The following IGF2BP3 variants were observed in gnomAD, a reference collection of about 807,000 sequenced individuals.
The protein encoded by IGF2BP3 is insulin-like growth factor 2 mRNA-binding protein 3.
Under a neutral mutation model 73.8 loss-of-function variants are expected in IGF2BP3, and 9 were observed. The observed-to-expected ratio is 0.12, with a 90% CI of 0.07 to 0.21. The LOEUF (loss-of-function observed/expected upper bound fraction) is 0.21, where lower values mean the gene tolerates loss of function less well. IGF2BP3 is among the 10% of genes least tolerant of loss of function. The pLI, the probability that IGF2BP3 is intolerant of heterozygous loss-of-function variation, is 1.00. For missense variants in IGF2BP3, 542 were observed against 714.0 expected (o/e 0.76, Z 2.75); for synonymous variants, 258 against 256.7 (o/e 1.01, Z -0.05).
At chr7:23,425,936 A>G (rs893214551) in intron 2 of IGF2BP3, among the ~76,000 whole-genome samples, 1 of 151,798 alleles carries the variant, frequency 6.6e-6, no homozygotes, top group African/African-American at 2.4e-5. Context: ...ACTGCACTCC[A>G]GCCTGGGCAA....
intron 2 of IGF2BP3, among the ~76,000 whole-genome samples, chr7:23,426,320 CAAA>C (rs1195063330): frequency 3.5e-4 from 16 of 46,122 alleles, no homozygotes; most frequent in South Asian, 1.0e-3. Flanking sequence ...AATTCTGTCT[CAAA>C]AAAAAAAAAA....
At chr7:23,447,264 G>A (rs1383226384) in intron 2 of IGF2BP3, among the ~76,000 whole-genome samples, 1 of 151,812 alleles carries the variant, frequency 6.6e-6, no homozygotes, top group Non-Finnish European at 1.5e-5. Context: ...CCCACATTGA[G>A]GGGCATTCCA....
At chr7:23,317,748 C>G in intron 11 of IGF2BP3, 35 bp from the exon 12 acceptor site, 1 of 1,542,706 alleles carries the variant, frequency 6.5e-7, no homozygotes, top group Non-Finnish European at 9.0e-7. Context: ...ATGATACTTT[C>G]AGGTATCACT....
At chr7:23,440,727 C>CAT (rs1234934624) in intron 2 of IGF2BP3, among the ~76,000 whole-genome samples, 2 of 152,184 alleles carry the variant, frequency 1.3e-5, no homozygotes, top group African/African-American at 4.8e-5. Flanking sequence ...CACCTGTCCA[C>CAT]ATATCAGGTC....
At chr7:23,386,407 G>GA (rs553347510) in intron 3 of IGF2BP3, among the ~76,000 whole-genome samples, 83 of 152,160 alleles carry the variant, frequency 5.5e-4, no homozygotes, top group African/African-American at 2.0e-3. Context: ...TACTCAAAAA[G>GA]AAAAAACCAA....
At chr7:23,339,860 A>C (rs2128500343) in intron 10 of IGF2BP3, among the ~76,000 whole-genome samples, 1 of 152,354 alleles carries the variant, frequency 6.6e-6, no homozygotes, top group Non-Finnish European at 1.5e-5. Context: ...CAATCCTATG[A>C]CACACACATA....
chr7:23,312,814 A>G lies in IGF2BP3; in HGVS notation c.1562T>C (p.Val521Ala). Residue 521 changes from valine to alanine, a missense_variant, in exon 14 of 15, where the codon GTT becomes GCT. Transcript: ENST00000258729. ...AGGTGTCTGGTCACGAGGGACAACA[A>G]CTTCTGCACTTGACAAATTCTGAAG... ...NELQNLSSAEVVVPRDQTPDE... is the reference protein window; with the variant it reads ...NELQNLSSAEAVVPRDQTPDE... 6.2e-7 allele frequency: 1 copy of G among 1,610,970 alleles called. No homozygotes were observed.
In IGF2BP3 at chr7:23,438,000, C is replaced by G. The variant is rs146061329; in HGVS notation, c.237-19176G>C. On this transcript the variant is annotated intron_variant, in intron 2 of 14. Coordinates refer to ENST00000258729, the MANE Select transcript of IGF2BP3 (RefSeq NM_006547.3). The stretch of plus-strand genomic sequence containing the variant: ...CGTCTACCTTTATCTTAGATGAATA[C>G]TATTTGGCTTCTGTGTAAATAAAAC... Among the ~76,000 whole-genome samples the G allele has an allele frequency of 2.8e-3, 424 of 152,340 alleles. 1 individual carries two copies. Among genetic ancestry groups the G allele is most frequent in the Non-Finnish European group, 4.3e-3 (290 of 68,030 alleles).
intron 2 of IGF2BP3, among the ~76,000 whole-genome samples, chr7:23,419,926 A>G (rs1787297052): frequency 6.6e-6 from 1 of 152,164 alleles, no homozygotes; most frequent in Admixed American, 6.5e-5. Context: ...AGGAGTGCAC[A>G]GTACAGAAAA....
chr7:23,380,983 A>T (rs1785892191), intron 3 of IGF2BP3, among the ~76,000 whole-genome samples: 1 of 152,172 alleles, frequency 6.6e-6, no homozygotes, highest in South Asian at 2.1e-4. Context: ...CATAGTAAGC[A>T]CCCACCTCCA....
chr7:23,333,979 C>T (rs1416982240), intron 10 of IGF2BP3, among the ~76,000 whole-genome samples: 1 of 152,154 alleles, frequency 6.6e-6, no homozygotes. Context: ...CATAAATATG[C>T]TGTCAACTTT....
intron 1 of IGF2BP3, among the ~76,000 whole-genome samples, chr7:23,468,930 GCCCTGGCCCTGC>G (rs1262726120): frequency 2.0e-5 from 3 of 152,152 alleles, no homozygotes; most frequent in Non-Finnish European, 4.4e-5. Flanking sequence ...AGGAGGGGGC[GCCCTGGCCCTGC>G]CCTCTGCTTC....
intron 3 of IGF2BP3, among the ~76,000 whole-genome samples, chr7:23,373,879 G>A (rs984704450): frequency 2.0e-5 from 3 of 152,128 alleles, no homozygotes; most frequent in Non-Finnish European, 4.4e-5. Flanking sequence ...CATGAGATCT[G>A]GTTGTTTTAA....
intron 2 of IGF2BP3, among the ~76,000 whole-genome samples, chr7:23,464,598 C>T (rs1336656291): frequency 1.3e-5 from 2 of 151,812 alleles, no homozygotes; most frequent in African/African-American, 4.8e-5. Context: ...GCAGAAGGAT[C>T]GCTTGAACCT....
At chr7:23,333,249 T>C (rs1443716132) in intron 10 of IGF2BP3, among the ~76,000 whole-genome samples, 1 of 152,230 alleles carries the variant, frequency 6.6e-6, no homozygotes, top group Non-Finnish European at 1.5e-5. Context: ...AGTTGCATGA[T>C]TTCCCATGAC....
intron 2 of IGF2BP3, among the ~76,000 whole-genome samples, chr7:23,430,103 T>G (rs1428762186): frequency 6.6e-6 from 1 of 151,258 alleles, no homozygotes; most frequent in Non-Finnish European, 1.5e-5. Context: ...TTTTTTTTTT[T>G]GAGATGGAAT....
chr7:23,436,076 A>C (rs1375752392), intron 2 of IGF2BP3, among the ~76,000 whole-genome samples: 2 of 152,226 alleles, frequency 1.3e-5, no homozygotes, highest in Non-Finnish European at 2.9e-5. Context: ...TTTTTTAACA[A>C]ATAAATTTCA....
chr7:23,357,530 G>T (rs1286847051), intron 5 of IGF2BP3, among the ~76,000 whole-genome samples: 1 of 152,098 alleles, frequency 6.6e-6, no homozygotes, highest in Non-Finnish European at 1.5e-5. Flanking sequence ...TGTCACACAT[G>T]ACAAATCCTC....
In IGF2BP3 at chr7:23,447,466, A is replaced by C. The variant is rs142428859; in HGVS notation, c.236+21016T>G. 2.6e-4 allele frequency among the ~76,000 whole-genome samples: 39 copies of C among 152,056 alleles called. 1 individual carries two copies. The highest frequency in any genetic ancestry group is 6.6e-4 in the Admixed American group (10 of 15,266). ...TGGTAAAATCCCGTCTCTACTAAAA[A>C]TACAAAAAAATTAGCCAGGCATGGG... On this transcript the variant is annotated intron_variant, in intron 2 of 14. Coordinates refer to ENST00000258729, the MANE Select transcript of IGF2BP3 (RefSeq NM_006547.3).
Sources: gnomAD v4.1 joint callset for allele counts (sites outside exome capture counted in the v4.1 genomes callset) on GRCh38, gnomAD v4.1.1 for gene constraint, MANE v1.5 for transcripts, NCBI Gene and HGNC (gene_info 2026-07-23, HGNC 2026-07-21) for gene names.